Variants in LENG1 observed in about 807,000 individuals in gnomAD.
The protein encoded by LENG1 is leukocyte receptor cluster (LRC) member 1.
A neutral mutation model predicts 28.8 loss-of-function variants in LENG1; 35 were observed. That is an observed-to-expected ratio of 1.22 (90% confidence interval 0.93 to 1.61). LENG1 has a LOEUF of 1.61. LENG1 is among the 40% of genes most tolerant of loss of function. The probability of loss-of-function intolerance (pLI) is 0.00; values close to 1 mark genes in which losing one functional copy is unlikely to be tolerated. For synonymous variants in LENG1, 170 were observed against 140.6 expected (o/e 1.21, Z -1.48); for missense variants, 404 against 348.9 (o/e 1.16, Z -1.26).
intron 2 of LENG1, among the ~76,000 whole-genome samples, chr19:54,157,241 C>T (rs1437641623): frequency 6.6e-6 from 1 of 152,130 alleles, no homozygotes; most frequent in African/African-American, 2.4e-5. Flanking sequence ...CAAGTGGAGC[C>T]ACTTGAGTGT....
In LENG1 at chr19:54,157,185, C is replaced by T. The variant is rs1170254917; in HGVS notation, c.313-160G>A. On this transcript the variant is annotated intron_variant, in intron 2 of 3. Coordinates refer to ENST00000222224, the MANE Select transcript of LENG1 (RefSeq NM_024316.3). The stretch of plus-strand genomic sequence containing the variant: ...AAGACAAACAGAGGCAAAGCTCCCC[C>T]TGGGGGGACAGTAGCAGGTACAGTA... Among the ~76,000 whole-genome samples, 1 of 152,066 alleles carries T rather than the reference C, an allele frequency of 6.6e-6. No individual in the cohort carries two copies. Among genetic ancestry groups the T allele is most frequent in the Non-Finnish European group, 1.5e-5 (1 of 68,018 alleles).
At position 54,155,304 on chromosome 19, in the gene LENG1, G is replaced by A. The variant is rs373011690; in HGVS notation, c.*417C>T. On this transcript the variant is annotated 3_prime_UTR_variant, in exon 4 of 4. Transcript: ENST00000222224. ...CACTCACTGACCGCCTTCTCCCCCG[G>A]CCAGGGCACCTACATCTACTTTGAC... The A allele has an allele frequency of 1.2e-6, 2 of 1,613,040 alleles. No homozygotes were observed. The highest frequency in any genetic ancestry group is 1.7e-6 in the Non-Finnish European group (2 of 1,179,646).
In LENG1 at chr19:54,156,875, C is replaced by A. The variant is rs768614147; in HGVS notation, c.463G>T (p.Asp155Tyr). ...APDEKIKSRL[D>Y]PLREMQKHLG... is the part of the protein sequence containing the mutation. ...TGCTTCTGCATCTCCCGCAGAGGGT[C>A]CAGACGGCTCTTGATCTTCTCATCT... Residue 155 changes from aspartate to tyrosine, a missense_variant, in exon 3 of 4, where the codon GAC becomes TAC. Physicochemically the swap from Asp to Tyr is radical, Grantham distance 160 (BLOSUM62 -3). Transcript: ENST00000222224. The A allele has an allele frequency of 6.2e-7, 1 of 1,613,860 alleles. No individual in the cohort carries two copies. The highest frequency in any genetic ancestry group is 1.1e-5 in the South Asian group (1 of 91,070).
At chr19:54,157,361 CAA>C (rs1402123678) in intron 2 of LENG1, among the ~76,000 whole-genome samples, 1 of 152,174 alleles carries the variant, frequency 6.6e-6, no homozygotes, top group African/African-American at 2.4e-5. Flanking sequence ...AGATAAATGA[CAA>C]GAGCTGATGT....
In LENG1 at chr19:54,155,415, C is replaced by T; in HGVS notation, c.*306G>A. On this transcript the variant is annotated 3_prime_UTR_variant, in exon 4 of 4. Transcript: ENST00000222224. ...GACCGGGACCTCCAGTGACACCGGC[C>T]CCTCCCTCTACCCACCCCCTTCCCC... 1 of 1,567,484 alleles carries T rather than the reference C, an allele frequency of 6.4e-7. No individual in the cohort carries two copies. Among genetic ancestry groups the T allele is most frequent in the Non-Finnish European group, 8.7e-7 (1 of 1,147,348 alleles).
In LENG1 at chr19:54,155,261, C is replaced by G; in HGVS notation, c.*460G>C. On this transcript the variant is annotated 3_prime_UTR_variant, in exon 4 of 4. Coordinates refer to ENST00000222224, the MANE Select transcript of LENG1 (RefSeq NM_024316.3). ...TTTGTCTGTTGGTCCGGCCCAGATCCCAGACCACCTCCTCGTCCACTCACT... is the reference window on the plus strand; with the variant it reads ...TTTGTCTGTTGGTCCGGCCCAGATCGCAGACCACCTCCTCGTCCACTCACT... 1 of 1,606,204 alleles carries G rather than the reference C, an allele frequency of 6.2e-7. No individual in the cohort carries two copies.
At chr19:54,157,871 C>CCATG (rs2075424452) in intron 2 of LENG1, among the ~76,000 whole-genome samples, 2 of 151,118 alleles carry the variant, frequency 1.3e-5, no homozygotes, top group African/African-American at 4.9e-5. Flanking sequence ...GCGCGCACCA[C>CCATG]CATGCCCGGC....
Position 54,155,625 on chromosome 19 carries a change from T to G in LENG1, c.*96A>C. Reference sequence around the variant, plus strand: ...CCTCCCCTCCCCAGTGAGGGACATTTTTTGGTAAACCTATTTTCATTTTGG... The same window carrying G: ...CCTCCCCTCCCCAGTGAGGGACATTGTTTGGTAAACCTATTTTCATTTTGG... On this transcript the variant is annotated 3_prime_UTR_variant, in exon 4 of 4. Coordinates refer to ENST00000222224, the MANE Select transcript of LENG1 (RefSeq NM_024316.3). 2 of 1,297,606 alleles carry G rather than the reference T, an allele frequency of 1.5e-6. No homozygotes were observed. The highest frequency in any genetic ancestry group is 2.1e-6 in the Non-Finnish European group (2 of 945,608). The allele number at this position is 1,297,606 out of a possible 1,614,324, so 80.4% of individuals were successfully genotyped here.
intron 2 of LENG1, among the ~76,000 whole-genome samples, chr19:54,157,333 A>T (rs1224772671): frequency 5.3e-5 from 8 of 152,212 alleles, no homozygotes; most frequent in African/African-American, 1.9e-4. Context: ...GGGTGGGGTC[A>T]GCAAGTCCAG....
chr19:54,159,541 G>A (rs1041906884), intron 1 of LENG1, 23 bp downstream of exon 1: 5 of 1,523,602 alleles, frequency 3.3e-6, no homozygotes, highest in East Asian at 2.5e-5. Context: ...CCGGAGCGCC[G>A]CCCTGCCGGC....
In LENG1 at chr19:54,155,733, G is replaced by A. The variant is rs1266411492; in HGVS notation, c.783C>T (p.His261=). The A allele has an allele frequency of 6.2e-7, 1 of 1,610,998 alleles. No homozygotes were observed. Among genetic ancestry groups the A allele is most frequent in the Non-Finnish European group, 8.5e-7 (1 of 1,179,474 alleles). Residue 261 remains histidine (H), a synonymous_variant, in exon 4 of 4, where the codon CAC becomes CAT. Transcript: ENST00000222224. Reference sequence around the variant, plus strand: ...ACCCCCTCAGGAGTCAGTGAGTAAGGTGAGGGTCCTGCTGGCGGGGGCGCC... The same window carrying A: ...ACCCCCTCAGGAGTCAGTGAGTAAGATGAGGGTCCTGCTGGCGGGGGCGCC... ...LARRPRQQDP[H]LTH is the part of the protein sequence containing the mutation.
rs1261286147 is a variant in LENG1, at chr19:54,155,681, A to G, written c.*40T>C. ...ATTTATGAATAAATAGTTTTATATG[A>G]CGGCTGGCAGCAGCGGCCTCTCCTG... On this transcript the variant is annotated 3_prime_UTR_variant, in exon 4 of 4. Coordinates refer to ENST00000222224, the MANE Select transcript of LENG1 (RefSeq NM_024316.3). 5 of 1,503,434 alleles carry G rather than the reference A, an allele frequency of 3.3e-6. No individual in the cohort carries two copies. Among genetic ancestry groups the G allele is most frequent in the Non-Finnish European group, 4.5e-6 (5 of 1,105,036 alleles). The allele number at this position is 1,503,434 out of a possible 1,614,324, so 93.1% of individuals were successfully genotyped here.
intron 1 of LENG1, among the ~76,000 whole-genome samples, chr19:54,159,254 G>A (rs1353908088): frequency 2.0e-5 from 3 of 152,238 alleles, no homozygotes; most frequent in Non-Finnish European, 4.4e-5. Flanking sequence ...AAAGTGATCC[G>A]AATTTCCTTG....
At chr19:54,159,416 G>C (rs1356891121) in intron 1 of LENG1, 148 bp downstream of exon 1, 1 of 837,762 alleles carries the variant, frequency 1.2e-6, no homozygotes, top group South Asian at 1.8e-5. Context: ...AGGTTTGCGG[G>C]GCAACGTCCT....
rs2075468741 is a variant in LENG1, at chr19:54,159,645, G to A, written c.51C>T (p.Val17=). Residue 17 remains valine (V), a synonymous_variant, in exon 1 of 4, where the codon GTC becomes GTT. Coordinates refer to ENST00000222224, the MANE Select transcript of LENG1 (RefSeq NM_024316.3). ...GGGCCTCGTCACGCCGCACGCGGGC[G>A]ACATTGTCCTTGTTCCGGACGTGCC... is the stretch of plus-strand genomic sequence containing the variant. ...KSWHVRNKDN[V]ARVRRDEAQA... 1 of 1,613,412 alleles carries A rather than the reference G, an allele frequency of 6.2e-7. No homozygotes were observed. Among genetic ancestry groups the A allele is most frequent in the Non-Finnish European group, 8.5e-7 (1 of 1,179,802 alleles).
rs1348506832 is a variant in LENG1, at chr19:54,155,481, G to C, written c.*240C>G. On this transcript the variant is annotated 3_prime_UTR_variant, in exon 4 of 4. Coordinates refer to ENST00000222224, the MANE Select transcript of LENG1 (RefSeq NM_024316.3). ...CTGCCCAGGTGAGGGCCCTGCCCTGGAAGACTGGAGGGAGGCCCCAAGCCA... is the reference window on the plus strand; with the variant it reads ...CTGCCCAGGTGAGGGCCCTGCCCTGCAAGACTGGAGGGAGGCCCCAAGCCA... 8.3e-6 allele frequency: 9 copies of C among 1,089,418 alleles called. No individual in the cohort carries two copies. The highest frequency in any genetic ancestry group is 1.3e-6 in the Non-Finnish European group (1 of 754,656). The allele number at this position is 1,089,418 out of a possible 1,614,324, so 67.5% of individuals were successfully genotyped here.
Position 54,155,181 on chromosome 19 carries a change from G to C in LENG1, c.*540C>G. 3 of 1,036,446 alleles carry C rather than the reference G, an allele frequency of 2.9e-6. No individual in the cohort carries two copies. Among genetic ancestry groups the C allele is most frequent in the Non-Finnish European group, 4.2e-6 (3 of 708,450 alleles). 64.2% of individuals were successfully genotyped at this position (1,036,446 alleles called of 1,614,324 possible). A position where few individuals can be genotyped will look rare whatever the true frequency, so the allele number is the denominator to read the frequency against. ...TGTGAGGATGGATGAGAGTGTGTGC[G>C]TGCAGGGCAGCTGGCCCGGTGCCTG... On this transcript the variant is annotated 3_prime_UTR_variant, in exon 4 of 4. Transcript: ENST00000222224.
At chr19:54,159,353 G>A (rs1164563953) in intron 1 of LENG1, among the ~76,000 whole-genome samples, 1 of 152,230 alleles carries the variant, frequency 6.6e-6, no homozygotes, top group Non-Finnish European at 1.5e-5. Context: ...CATCAGTGGG[G>A]GAAAAACTAA....
At chr19:54,157,110 C>T (rs1406012213) in intron 2 of LENG1, 85 bp from the exon 3 acceptor site, 26 of 1,155,100 alleles carry the variant, frequency 2.3e-5, no homozygotes, top group Non-Finnish European at 2.9e-5. Context: ...TCTAAGCGAA[C>T]AGGTATCTAA....
Sources: gnomAD v4.1 joint callset for allele counts (sites outside exome capture counted in the v4.1 genomes callset) on GRCh38, gnomAD v4.1.1 for gene constraint, MANE v1.5 for transcripts, NCBI Gene and HGNC (gene_info 2026-07-23, HGNC 2026-07-21) for gene names.